PRKD1: variants seen among roughly 807,000 people sequenced by gnomAD.
PRKD1 encodes the protein protein kinase D1, also known as serine/threonine-protein kinase D1.
In PRKD1, 63 loss-of-function variants were observed where a neutral mutation model predicts 95.9. The ratio of observed to expected loss-of-function variants is 0.66; its 90% CI spans 0.54 to 0.81. PRKD1 has a LOEUF of 0.81. Among genes scored for constraint, PRKD1 ranks in the 30% least tolerant of loss-of-function variants. The probability of loss-of-function intolerance (pLI) is 0.00; values close to 1 mark genes in which losing one functional copy is unlikely to be tolerated. For synonymous variants in PRKD1, 425 were observed against 423.1 expected, an observed-to-expected ratio of 1.00 and a Z score of -0.05; for missense variants, 1,048 against 1,165.3, an observed-to-expected ratio of 0.90 and a Z score of 1.47.
intron 2 of PRKD1, among the ~76,000 whole-genome samples, chr14:29,689,278 AC>A (rs1027942227): frequency 9.9e-5 from 15 of 151,984 alleles, no homozygotes; most frequent in South Asian, 4.1e-4. Flanking sequence ...GAAAAAAAAA[AC>A]ATTACAAAGT....
rs561029918 is a variant in PRKD1 at position 29,884,404 on chromosome 14, ACT to A, written c.264+42843_264+42844del. Among the ~76,000 whole-genome samples the A allele has an allele frequency of 3.0e-4, 45 of 152,286 alleles. No homozygotes were observed. In the East Asian group the frequency reaches 7.9e-3, roughly 27 times the overall value. On this transcript the variant is annotated intron_variant, in intron 1 of 17. Transcript: ENST00000331968. ...TCTAATATTAGCAATAACAATAATC[ACT>A]CACTAATACATTATTACATTTCTCA...
rs923314858 is a variant in PRKD1 at position 29,863,375 on chromosome 14, A to G, written c.264+63874T>C. On this transcript the variant is annotated intron_variant, in intron 1 of 17. Coordinates refer to ENST00000331968, the MANE Select transcript of PRKD1 (RefSeq NM_002742.3). ...AATTAAAAATGAAGTGGTTTTAACTAAATATTTCACCAATATGAGGAAAAT... is the reference window on the plus strand; with the variant it reads ...AATTAAAAATGAAGTGGTTTTAACTGAATATTTCACCAATATGAGGAAAAT... Among the ~76,000 whole-genome samples, 3 of 152,208 alleles carry G rather than the reference A, an allele frequency of 2.0e-5. No homozygotes were observed. In the East Asian group the frequency reaches 5.8e-4, roughly 29 times the overall value.
intron 1 of PRKD1, among the ~76,000 whole-genome samples, chr14:29,914,668 G>GT (rs1204550345): frequency 3.9e-5 from 6 of 152,114 alleles, no homozygotes; most frequent in Non-Finnish European, 8.8e-5. Flanking sequence ...GGCAGGTGGA[G>GT]GTTACAGTGA....
At chr14:29,699,362 G>A (rs946598426) in intron 2 of PRKD1, among the ~76,000 whole-genome samples, 4 of 152,108 alleles carry the variant, frequency 2.6e-5, no homozygotes, top group Non-Finnish European at 4.4e-5. Context: ...TGTCTGCTAG[G>A]TGAAAGATTA....
chr14:29,653,212 AT>A (rs1174404342), intron 4 of PRKD1, among the ~76,000 whole-genome samples: 1 of 152,220 alleles, frequency 6.6e-6, no homozygotes, highest in African/African-American at 2.4e-5. Context: ...TCCGGATTGC[AT>A]AAAATTAAAG....
chr14:29,605,783 T>C (rs773429709), intron 13 of PRKD1, among the ~76,000 whole-genome samples: 1 of 152,236 alleles, frequency 6.6e-6, no homozygotes, highest in Non-Finnish European at 1.5e-5. Flanking sequence ...GTCTCCTTAC[T>C]TTTCATTAAG....
intron 1 of PRKD1, among the ~76,000 whole-genome samples, chr14:29,770,420 G>C (rs929701610): frequency 6.6e-6 from 1 of 152,160 alleles, no homozygotes; most frequent in African/African-American, 2.4e-5. Flanking sequence ...CAGAAGAAGA[G>C]AGCTGCAGAG....
intron 2 of PRKD1, among the ~76,000 whole-genome samples, chr14:29,716,757 T>G (rs1885632726): frequency 6.6e-6 from 1 of 152,202 alleles, no homozygotes; most frequent in Admixed American, 6.5e-5. Flanking sequence ...TTGGGAAAAC[T>G]GATTCACTGA....
intron 1 of PRKD1, among the ~76,000 whole-genome samples, chr14:29,748,558 T>G (rs1219898815): frequency 6.6e-6 from 1 of 152,188 alleles, no homozygotes; most frequent in Non-Finnish European, 1.5e-5. Context: ...TCTGATGGAA[T>G]AAGATCTCAC....
chr14:29,847,978 G>A (rs1440351022), intron 1 of PRKD1, among the ~76,000 whole-genome samples: 1 of 152,086 alleles, frequency 6.6e-6, no homozygotes, highest in Non-Finnish European at 1.5e-5. Flanking sequence ...TACACTGGCA[G>A]AATAGGTCTT....
At chr14:29,590,489 C>T (rs1464363605) in intron 16 of PRKD1, among the ~76,000 whole-genome samples, 2 of 152,098 alleles carry the variant, frequency 1.3e-5, no homozygotes, top group Non-Finnish European at 2.9e-5. Flanking sequence ...ATTATGAACT[C>T]GGTGGATGTG....
chr14:29,835,006 G>T (rs181407556), intron 1 of PRKD1, among the ~76,000 whole-genome samples: 1 of 151,770 alleles, frequency 6.6e-6, no homozygotes, highest in Non-Finnish European at 1.5e-5. Flanking sequence ...TTTTCTCTGC[G>T]GAACTAACTT....
At chr14:29,713,827 T>A (rs1249205970) in intron 2 of PRKD1, among the ~76,000 whole-genome samples, 1 of 152,130 alleles carries the variant, frequency 6.6e-6, no homozygotes, top group African/African-American at 2.4e-5. Flanking sequence ...CCATGACCAG[T>A]TCTCAGTTTG....
intron 1 of PRKD1, among the ~76,000 whole-genome samples, chr14:29,920,113 G>T (rs1326634599): frequency 6.6e-6 from 1 of 150,492 alleles, no homozygotes. Context: ...AGGAAGAAAG[G>T]GGAGAAAGAA....
chr14:29,819,902 C>T (rs150017894), intron 1 of PRKD1, among the ~76,000 whole-genome samples: 1 of 152,216 alleles, frequency 6.6e-6, no homozygotes, highest in Non-Finnish European at 1.5e-5. Context: ...AGTACGAATT[C>T]AACTCCATGA....
chr14:29,721,062 TTATTA>T (rs1334675154), intron 2 of PRKD1, among the ~76,000 whole-genome samples: 2 of 152,176 alleles, frequency 1.3e-5, no homozygotes, highest in Non-Finnish European at 2.9e-5. Context: ...ATCAAAATGG[TTATTA>T]TGTTTGTTCA....
intron 1 of PRKD1, among the ~76,000 whole-genome samples, chr14:29,899,771 A>G (rs1180397247): frequency 6.6e-6 from 1 of 152,230 alleles, no homozygotes; most frequent in Non-Finnish European, 1.5e-5. Flanking sequence ...ACTGCTTAGT[A>G]TGTGCAAAGC....
chr14:29,584,032 AGCCGAAGTTCTGT>A (rs1892833978), intron 16 of PRKD1, among the ~76,000 whole-genome samples: 1 of 152,078 alleles, frequency 6.6e-6, no homozygotes, highest in Non-Finnish European at 1.5e-5. Flanking sequence ...CTATTAGGAT[AGCCGAAGTTCTGT>A]GCAGCCTATT....
chr14:29,594,082 T>C (rs1308431896), intron 16 of PRKD1: 1 of 451,116 alleles, frequency 2.2e-6, no homozygotes, highest in African/African-American at 2.0e-5. Context: ...AGCAAATCAC[T>C]TACCAGAGGA....
Sources: allele counts gnomAD v4.1 joint callset (sites outside exome capture counted in the v4.1 genomes callset), GRCh38; gene constraint gnomAD v4.1.1; transcripts MANE v1.5; gene names NCBI Gene and HGNC (gene_info 2026-07-23, HGNC 2026-07-21).